Variants in PKN3 observed in about 807,000 individuals in gnomAD.
The protein encoded by PKN3 is protein kinase N3.
PKN3 carries 91 observed loss-of-function variants against 113.1 expected under a neutral mutation model. The observed-to-expected ratio is 0.80, with a 90% CI of 0.68 to 0.96. PKN3 has a LOEUF of 0.96. PKN3 is among the 40% of genes least tolerant of loss of function. PKN3 has a pLI of 0.00. For missense variants in PKN3, 1,052 were observed against 1,202.2 expected (o/e 0.88, Z 1.85); for synonymous variants, 467 against 499.0 (o/e 0.94, Z 0.85).
intron 15 of PKN3, 113 bp from the exon 16 acceptor site, chr9:128,716,634 A>T: frequency 1.3e-6 from 1 of 757,696 alleles, no homozygotes; most frequent in Non-Finnish European, 2.2e-6. Context: ...CCATCAGTCT[A>T]CTTGCCTGGC....
In PKN3 at chr9:128,713,397, GC is replaced by G; in HGVS notation, c.1092+12del. ...CATCCCACTGGAGCGAGTAAGGCTG[GC>G]CTTTGTGTGGTCAGGGGTGACCTTG... On this transcript the variant is annotated intron_variant, in intron 8 of 21. Transcript: ENST00000291906. 1 of 1,613,730 alleles carries G rather than the reference GC, an allele frequency of 6.2e-7. No homozygotes were observed. The highest frequency in any genetic ancestry group is 1.1e-5 in the South Asian group (1 of 91,060).
At position 128,702,891 on chromosome 9, in the gene PKN3, G is replaced by A. The variant is rs1163391176; in HGVS notation, c.-25G>A. ...CCGGGACCGGAGTGGCTGAGAGAAG[G>A]GCCCCAAGCGGCCGGAGCGGCGCCA... On this transcript the variant is annotated 5_prime_UTR_variant, in exon 1 of 22. Coordinates refer to ENST00000291906, the MANE Select transcript of PKN3 (RefSeq NM_013355.5). The A allele has an allele frequency of 1.4e-6, 2 of 1,477,806 alleles. No homozygotes were observed. The highest frequency in any genetic ancestry group is 1.8e-6 in the Non-Finnish European group (2 of 1,113,026). 91.5% of individuals were successfully genotyped at this position (1,477,806 alleles called of 1,614,324 possible).
chr9:128,712,984 C>A, intron 6 of PKN3, 68 bp from the exon 7 acceptor site: 2 of 1,515,932 alleles, frequency 1.3e-6, no homozygotes, highest in Non-Finnish European at 1.8e-6. Flanking sequence ...CCTGGGGTCC[C>A]AGGACACCTT....
At chr9:128,718,474 G>A (rs900406142) in intron 17 of PKN3, 75 bp from the exon 18 acceptor site, 1 of 1,586,552 alleles carries the variant, frequency 6.3e-7, no homozygotes, top group African/African-American at 1.3e-5. Context: ...GCCTGCCTGG[G>A]CTGCTCCAGG....
intron 9 of PKN3, 43 bp downstream of exon 9, chr9:128,713,685 C>A: frequency 6.2e-7 from 1 of 1,602,378 alleles, no homozygotes; most frequent in Non-Finnish European, 8.5e-7. Flanking sequence ...GACCCTGGGG[C>A]GTCAGGGCCA....
At position 128,715,170 on chromosome 9, in the gene PKN3, A is replaced by G. The variant is rs1269780823; in HGVS notation, c.1653-2A>G. On this transcript the variant is annotated splice_acceptor_variant, in intron 13 of 21. Coordinates refer to ENST00000291906, the MANE Select transcript of PKN3 (RefSeq NM_013355.5). LOFTEE classifies it high-confidence loss of function. This position sits in a 1 kb window ranked among gnomAD's most constrained non-coding sequence, Gnocchi z 4.1. ...CTTCATATACCCTCTCTTCCTTTGC[A>G]GGAAACCCCCTCGGCTTCAGGACTT... 5 of 1,613,770 alleles carry G rather than the reference A, an allele frequency of 3.1e-6. No homozygotes were observed. The highest frequency in any genetic ancestry group is 4.2e-6 in the Non-Finnish European group (5 of 1,179,928).
intron 6 of PKN3, among the ~76,000 whole-genome samples, chr9:128,710,376 A>C (rs1469746930): frequency 6.6e-6 from 1 of 151,668 alleles, no homozygotes; most frequent in Non-Finnish European, 1.5e-5. Context: ...GCCTGTCTCC[A>C]CAGAGCACTG....
At chr9:128,719,616 A>C (rs1862461355) in intron 18 of PKN3, 70 bp from the exon 19 acceptor site, 1 of 1,457,710 alleles carries the variant, frequency 6.9e-7, no homozygotes, top group Non-Finnish European at 9.2e-7. Context: ...TGGCATCATA[A>C]GGCTTGGCTA....
chr9:128,706,588 G>A, intron 3 of PKN3, 125 bp from the exon 4 acceptor site: 1 of 701,466 alleles, frequency 1.4e-6, no homozygotes. Context: ...CTTGACTTTA[G>A]TGTTTGGCCT....
At chr9:128,717,113 G>GTTTTTTTTTTTTTTTTTTTTTTTTTTTT (rs1554781180) in intron 16 of PKN3, among the ~76,000 whole-genome samples, 190 bp downstream of exon 16, 2 of 14,442 alleles carry the variant, frequency 1.4e-4, no homozygotes, top group Non-Finnish European at 3.3e-4. Flanking sequence ...TGTGCATTAG[G>GTTTTTTTTTTTTTTTTTTTTTTTTTTTT]TTTCTTTTTT....
In PKN3 at chr9:128,716,753, C is replaced by A; in HGVS notation, c.1815C>A (p.Tyr605Ter). 5.6e-6 allele frequency: 9 copies of A among 1,613,666 alleles called. No homozygotes were observed. The highest frequency in any genetic ancestry group is 7.6e-6 in the Non-Finnish European group (9 of 1,179,646). Reference protein sequence around the residue: ...VLSRDEIESLYCEKRILEAVG... With the variant: ...VLSRDEIESL ...CTCTTGCTCTCTCCTGTAGCCTGTA[C>A]TGCGAGAAGCGGATCCTGGAGGCTG... is the stretch of plus-strand genomic sequence containing the variant. The change falls in exon 16 of 22, where the codon TAC (tyrosine) becomes TAA (stop). Residue 605 changes from tyrosine (Y) to a stop codon, truncating the protein, a stop_gained. Coordinates refer to ENST00000291906, the MANE Select transcript of PKN3 (RefSeq NM_013355.5). LOFTEE classifies it high-confidence loss of function.
At chr9:128,719,872 G>A in intron 19 of PKN3, 38 bp from the exon 20 acceptor site, 1 of 1,599,078 alleles carries the variant, frequency 6.3e-7, no homozygotes, top group Non-Finnish European at 8.6e-7. Flanking sequence ...GTGGGGGTGG[G>A]GTGGCCCGTG....
rs1485668805 is a variant in PKN3, at chr9:128,715,872, A to T, written c.1808+412A>T. On this transcript the variant is annotated intron_variant, in intron 15 of 21. Coordinates refer to ENST00000291906, the MANE Select transcript of PKN3 (RefSeq NM_013355.5). The surrounding 1 kb of genome is among the most constrained non-coding windows in gnomAD (Gnocchi z 4.1). The stretch of plus-strand genomic sequence containing the variant: ...ATAAAAAATAGCCAGACATGGTGGC[A>T]TGTGCCTTTAGTCCCAGCTACTTGG... Among the ~76,000 whole-genome samples, 4 of 152,220 alleles carry T rather than the reference A, an allele frequency of 2.6e-5. No homozygotes were observed. Among genetic ancestry groups the T allele is most frequent in the African/African-American group, 9.6e-5 (4 of 41,520 alleles).
In PKN3 at chr9:128,715,300, C is replaced by G. The variant is rs1589488940; in HGVS notation, c.1716+65C>G. The stretch of plus-strand genomic sequence containing the variant: ...GCCTCATCACATGAGCCGGGAGGAC[C>G]TGATCTGTGGGGGCGGTAAAGGCTC... On this transcript the variant is annotated intron_variant, in intron 14 of 21. Transcript: ENST00000291906. This position sits in a 1 kb window ranked among gnomAD's most constrained non-coding sequence, Gnocchi z 4.1. 4 of 1,607,160 alleles carry G rather than the reference C, an allele frequency of 2.5e-6. No homozygotes were observed. Among genetic ancestry groups the G allele is most frequent in the Non-Finnish European group, 2.6e-6 (3 of 1,173,736 alleles).
intron 6 of PKN3, among the ~76,000 whole-genome samples, chr9:128,710,623 C>T (rs140209448): frequency 3.9e-5 from 6 of 151,968 alleles, no homozygotes; most frequent in Non-Finnish European, 7.4e-5. Context: ...TCCCGAGTAG[C>T]TGGGATTACA....
chr9:128,713,255 G>A (rs764188999), intron 7 of PKN3, 23 bp from the exon 8 acceptor site: 2 of 1,613,082 alleles, frequency 1.2e-6, no homozygotes, highest in Admixed American at 3.3e-5. Flanking sequence ...GGCCTGCCCT[G>A]AGTCCCGGCT....
In PKN3 at chr9:128,715,470, G is replaced by T; in HGVS notation, c.1808+10G>T. 1 of 1,606,082 alleles carries T rather than the reference G, an allele frequency of 6.2e-7. No homozygotes were observed. Among genetic ancestry groups the T allele is most frequent in the Non-Finnish European group, 8.5e-7 (1 of 1,173,234 alleles). ...GGGACGAGATAGAGAGGTGTGTGGG[G>T]GTGCCGCAGGGCACCCAGGATGGCT... On this transcript the variant is annotated intron_variant, in intron 15 of 21. Coordinates refer to ENST00000291906, the MANE Select transcript of PKN3 (RefSeq NM_013355.5). This position sits in a 1 kb window ranked among gnomAD's most constrained non-coding sequence, Gnocchi z 4.1.
Position 128,716,935 on chromosome 9 carries a change from C to A in PKN3, c.1985+12C>A. ...GAGCCCCAGGCCCGGTGGGTTCCAT[C>A]CCTCCTGCCTGCCTCTTCCAGCAAA... On this transcript the variant is annotated intron_variant, in intron 16 of 21. Transcript: ENST00000291906. 6.2e-7 allele frequency: 1 copy of A among 1,611,668 alleles called. No homozygotes were observed. The highest frequency in any genetic ancestry group is 8.5e-7 in the Non-Finnish European group (1 of 1,178,286).
intron 6 of PKN3, among the ~76,000 whole-genome samples, chr9:128,709,292 AT>A (rs199854636): frequency 2.0e-4 from 9 of 44,486 alleles, no homozygotes; most frequent in East Asian, 6.8e-4. Flanking sequence ...TCAAAAAAAA[AT>A]AAAAAAATAA....
Sources: gnomAD v4.1 joint callset for allele counts (sites outside exome capture counted in the v4.1 genomes callset) on GRCh38, gnomAD v4.1.1 for gene constraint, Gnocchi (gnomAD v3.1) non-coding constraint, MANE v1.5 for transcripts, NCBI Gene and HGNC (gene_info 2026-07-23, HGNC 2026-07-21) for gene names.